ZNF385C: variants seen among roughly 807,000 people sequenced by gnomAD.
The protein encoded by ZNF385C is CTD-2132N18.2.
In ZNF385C, 28 loss-of-function variants were observed where a neutral mutation model predicts 35.4. The observed-to-expected ratio is 0.79, with a 90% confidence interval of 0.59 to 1.08. The LOEUF is 1.08. Ranked by LOEUF, ZNF385C falls within the 50% of genes least tolerant of loss-of-function variation. ZNF385C has a pLI of 0.00. For missense variants in ZNF385C, 605 were observed against 595.6 expected (o/e 1.02, Z -0.16); for synonymous variants, 248 against 248.2 (o/e 1.00, Z 0.01).
chr17:42,058,910 G>C (rs1259486102), intron 2 of ZNF385C, among the ~76,000 whole-genome samples: 1 of 152,202 alleles, frequency 6.6e-6, no homozygotes, highest in Non-Finnish European at 1.5e-5. Flanking sequence ...ACCCGCCTCG[G>C]CCTCCCAAAG....
intron 2 of ZNF385C, chr17:42,038,763 A>T (rs1203568789): frequency 6.6e-6 from 1 of 152,272 alleles, no homozygotes; most frequent in East Asian, 1.9e-4. Flanking sequence ...ATACACAGTT[A>T]TACACAGAAA....
chr17:42,073,174 C>T (rs1440237278), intron 1 of ZNF385C, among the ~76,000 whole-genome samples: 1 of 152,160 alleles, frequency 6.6e-6, no homozygotes, highest in African/African-American at 2.4e-5. Context: ...CGGTGGCTCA[C>T]GCCTGTAATC....
chr17:42,039,670 C>T (rs2052957272), intron 2 of ZNF385C: 1 of 1,232,068 alleles, frequency 8.1e-7, no homozygotes, highest in Middle Eastern at 3.1e-4. Context: ...TGCCCAGGGC[C>T]CCAGGCTGGA....
chr17:42,087,788 G>C (rs2053824301), intron 1 of ZNF385C, among the ~76,000 whole-genome samples: 1 of 152,170 alleles, frequency 6.6e-6, no homozygotes, highest in African/African-American at 2.4e-5. Context: ...CATAGTCCTT[G>C]CCTTTTGTTG....
intron 1 of ZNF385C, among the ~76,000 whole-genome samples, chr17:42,081,242 C>CGA (rs1555659689): frequency 7.2e-5 from 11 of 152,102 alleles, no homozygotes. Context: ...TTGCAGAAGA[C>CGA]CAGCACTCAG....
At chr17:42,078,424 T>A (rs1285756808) in intron 1 of ZNF385C, among the ~76,000 whole-genome samples, 1 of 146,952 alleles carries the variant, frequency 6.8e-6, no homozygotes, top group African/African-American at 2.5e-5. Flanking sequence ...AAAAAAAAAT[T>A]CAACCAACAC....
rs2053252806 is a variant in ZNF385C at position 42,050,241 on chromosome 17, C to T, written c.251-12356G>A. ...TTCATGTGGCCCCAGAATGTGGGTC[C>T]CGAGCCTCCTCCCCGGGCTCCTGGG... On this transcript the variant is annotated intron_variant, in intron 2 of 8. Transcript: ENST00000692273. The surrounding 1 kb of genome is among the most constrained non-coding windows in gnomAD (Gnocchi z 5.6). Among the ~76,000 whole-genome samples the T allele has an allele frequency of 6.6e-6, 1 of 152,198 alleles. No individual in the cohort carries two copies. Among genetic ancestry groups the T allele is most frequent in the Admixed American group, 6.5e-5 (1 of 15,292 alleles).
chr17:42,040,261 C>T (rs1463539168), intron 2 of ZNF385C: 5 of 1,231,510 alleles, frequency 4.1e-6, no homozygotes, highest in Non-Finnish European at 5.1e-6. Flanking sequence ...GAAGGATCCC[C>T]GGAGCCACTC....
At chr17:42,040,321 T>C (rs1598184606) in intron 2 of ZNF385C, 5 of 1,231,544 alleles carry the variant, frequency 4.1e-6, no homozygotes, top group Non-Finnish European at 4.0e-6. Flanking sequence ...CACGCCGCGG[T>C]AGGTGCAGCG....
intron 2 of ZNF385C, among the ~76,000 whole-genome samples, chr17:42,057,507 C>A (rs145359725): frequency 7.0e-6 from 1 of 142,422 alleles, no homozygotes; most frequent in Non-Finnish European, 1.5e-5. Flanking sequence ...TGCGCGCGCG[C>A]GCGCGCGTGT....
chr17:42,072,503 C>A (rs994632409), intron 1 of ZNF385C, among the ~76,000 whole-genome samples: 4 of 152,044 alleles, frequency 2.6e-5, no homozygotes, highest in Admixed American at 2.6e-4. Flanking sequence ...GCCCCCGCGG[C>A]GCGTGGGTCC....
chr17:42,056,385 T>C (rs1430694657), intron 2 of ZNF385C, among the ~76,000 whole-genome samples: 1 of 152,204 alleles, frequency 6.6e-6, no homozygotes, highest in Non-Finnish European at 1.5e-5. Context: ...TCCTCCCCAT[T>C]CTCAAACATG....
At chr17:42,064,068 GCACATACACA>G (rs1354129141) in intron 1 of ZNF385C, among the ~76,000 whole-genome samples, 3 of 59,576 alleles carry the variant, frequency 5.0e-5, no homozygotes, top group African/African-American at 9.7e-5. Context: ...GCGCGCACAC[GCACATACACA>G]CACACACACA....
At chr17:42,044,845 G>C (rs1555656473) in intron 2 of ZNF385C, among the ~76,000 whole-genome samples, 2 of 151,506 alleles carry the variant, frequency 1.3e-5, no homozygotes, top group African/African-American at 4.8e-5. Context: ...ACCTCCCCAG[G>C]CACGAGGCCA....
chr17:42,040,820 C>G, intron 2 of ZNF385C: 1 of 1,232,282 alleles, frequency 8.1e-7, no homozygotes, highest in Non-Finnish European at 1.0e-6. Flanking sequence ...GCCGGGGGCT[C>G]AGGATCTGTC....
In ZNF385C at chr17:42,092,931, G is replaced by A. The variant is rs183667939; in HGVS notation, c.-3+5479C>T. Among the ~76,000 whole-genome samples, 399 of 152,036 alleles carry A rather than the reference G, an allele frequency of 2.6e-3. 4 individuals carry two copies. The highest frequency in any genetic ancestry group is 9.2e-3 in the African/African-American group (383 of 41,440). On this transcript the variant is annotated intron_variant, in intron 1 of 8. Coordinates refer to ENST00000692273, the MANE Select transcript of ZNF385C (RefSeq NM_001392013.1). Reference sequence around the variant, plus strand: ...ATCTGGGAGCGGGGGGCGGGGGTCCGGGGAAGGCTGGACAGGGCAGGGGGC... The same window carrying A: ...ATCTGGGAGCGGGGGGCGGGGGTCCAGGGAAGGCTGGACAGGGCAGGGGGC...
At chr17:42,098,209 A>T (rs2053936812) in intron 1 of ZNF385C, among the ~76,000 whole-genome samples, 1 of 152,152 alleles carries the variant, frequency 6.6e-6, no homozygotes, top group South Asian at 2.1e-4. Flanking sequence ...ACCAGCCAGG[A>T]CCCTCTAACT....
chr17:42,036,771 C>T (rs1555655513), intron 3 of ZNF385C, among the ~76,000 whole-genome samples: 1 of 152,008 alleles, frequency 6.6e-6, no homozygotes, highest in African/African-American at 2.4e-5. Flanking sequence ...CAGCAAGCGA[C>T]AGCAAGGACT....
chr17:42,088,442 G>A (rs868959318), intron 1 of ZNF385C, among the ~76,000 whole-genome samples: 13 of 152,374 alleles, frequency 8.5e-5, no homozygotes, highest in African/African-American at 1.2e-4. Flanking sequence ...CCCAGAGGGC[G>A]GAGCACCGCC....
Sources: allele counts gnomAD v4.1 joint callset (sites outside exome capture counted in the v4.1 genomes callset), GRCh38; gene constraint gnomAD v4.1.1; non-coding constraint Gnocchi (gnomAD v3.1); transcripts MANE v1.5; gene names NCBI Gene and HGNC (gene_info 2026-07-23, HGNC 2026-07-21).